DNM3: variants seen among roughly 807,000 people sequenced by gnomAD.
DNM3 encodes the protein dynamin-3.
Under a neutral mutation model 101.6 loss-of-function variants are expected in DNM3, and 47 were observed. The ratio of observed to expected loss-of-function variants is 0.46; its 90% CI spans 0.37 to 0.59. The LOEUF is 0.59. DNM3 is among the 20% of genes least tolerant of loss of function. DNM3 has a pLI of 0.00. For missense variants in DNM3, 849 were observed against 1,085.7 expected (o/e 0.78, Z 3.06); for synonymous variants, 385 against 387.9 (o/e 0.99, Z 0.09).
chr1:171,864,865 A>T (rs2034554119), intron 1 of DNM3, among the ~76,000 whole-genome samples: 1 of 152,178 alleles, frequency 6.6e-6, no homozygotes, highest in African/African-American at 2.4e-5. Context: ...TAAATAAAAA[A>T]AAAAACTAAT....
At chr1:172,081,959 A>G (rs2053181336) in intron 12 of DNM3, 57 bp downstream of exon 12, 3 of 1,542,778 alleles carry the variant, frequency 1.9e-6, no homozygotes, top group Non-Finnish European at 2.7e-6. Context: ...TCTCAAACAC[A>G]CATTGTGAAT....
intron 12 of DNM3, among the ~76,000 whole-genome samples, chr1:172,088,911 T>C (rs1292481573): frequency 6.6e-6 from 1 of 152,250 alleles, no homozygotes; most frequent in African/African-American, 2.4e-5. Flanking sequence ...TGTCTTCTAA[T>C]GTACTCTTAT....
At chr1:172,403,400 C>T (rs2070650363) in intron 20 of DNM3, among the ~76,000 whole-genome samples, 1 of 152,120 alleles carries the variant, frequency 6.6e-6, no homozygotes, top group South Asian at 2.1e-4. Context: ...TCTCCCTTAA[C>T]TCCTGTTAAA....
At chr1:172,298,690 T>A (rs192542224) in intron 15 of DNM3, among the ~76,000 whole-genome samples, 311 of 152,264 alleles carry the variant, frequency 2.0e-3, no homozygotes, top group Non-Finnish European at 3.8e-3. Flanking sequence ...TAAGCCATCA[T>A]CTTCCCGGAA....
chr1:172,247,568 C>G (rs1184284706), intron 14 of DNM3, among the ~76,000 whole-genome samples: 1 of 151,860 alleles, frequency 6.6e-6, no homozygotes, highest in African/African-American at 2.4e-5. Context: ...TAATTTGGTG[C>G]CATTAGTGCA....
intron 1 of DNM3, among the ~76,000 whole-genome samples, chr1:171,850,833 C>T (rs961662943): frequency 6.7e-6 from 1 of 149,490 alleles, no homozygotes; most frequent in Non-Finnish European, 1.5e-5. Context: ...GAGTTCCTTG[C>T]TTGCAGAGTA....
At chr1:172,071,593 A>G (rs1301717292) in intron 11 of DNM3, among the ~76,000 whole-genome samples, 1 of 151,118 alleles carries the variant, frequency 6.6e-6, no homozygotes, top group Non-Finnish European at 1.5e-5. Context: ...TTTAAAAAGT[A>G]GAGTTACTAC....
intron 4 of DNM3, among the ~76,000 whole-genome samples, chr1:172,005,330 G>A (rs1226812530): frequency 1.3e-5 from 2 of 152,060 alleles, no homozygotes; most frequent in Non-Finnish European, 2.9e-5. Context: ...TAAAAAGCGA[G>A]TTTGTGGCTC....
At chr1:172,304,930 G>C (rs1408321561) in intron 15 of DNM3, among the ~76,000 whole-genome samples, 1 of 152,090 alleles carries the variant, frequency 6.6e-6, no homozygotes, top group African/African-American at 2.4e-5. Context: ...AGAGAAAGCA[G>C]GAAAGATCCA....
At position 171,896,557 on chromosome 1, in the gene DNM3, A is replaced by T. The variant is rs144017538; in HGVS notation, c.162-25191A>T. On this transcript the variant is annotated intron_variant, in intron 1 of 20. Coordinates refer to ENST00000627582, the MANE Select transcript of DNM3 (RefSeq NM_015569.5). Reference sequence around the variant, plus strand: ...CTTAAGGAGATTTTGGGCTGACACGATGGGGTTTTCTAAATATACAATCAT... The same window carrying T: ...CTTAAGGAGATTTTGGGCTGACACGTTGGGGTTTTCTAAATATACAATCAT... Among the ~76,000 whole-genome samples, 979 of 152,274 alleles carry T rather than the reference A, an allele frequency of 6.4e-3. 9 individuals are homozygous for T. Among genetic ancestry groups the T allele is most frequent in the African/African-American group, 0.022 (920 of 41,554 alleles).
At chr1:172,174,590 T>C (rs1325260716) in intron 14 of DNM3, among the ~76,000 whole-genome samples, 2 of 151,742 alleles carry the variant, frequency 1.3e-5, no homozygotes, top group African/African-American at 4.8e-5. Context: ...TTAGAGTTGG[T>C]GTTGTGCTTG....
At chr1:172,083,773 G>A (rs2053327178) in intron 12 of DNM3, among the ~76,000 whole-genome samples, 1 of 152,040 alleles carries the variant, frequency 6.6e-6, no homozygotes, top group Admixed American at 6.6e-5. Context: ...CTTAGAAGCT[G>A]TTGGACTATG....
At chr1:172,215,771 G>T (rs1004323128) in intron 14 of DNM3, among the ~76,000 whole-genome samples, 1 of 151,866 alleles carries the variant, frequency 6.6e-6, no homozygotes, top group East Asian at 1.9e-4. Flanking sequence ...TGCTTACAAG[G>T]CAGAGCCAGG....
intron 15 of DNM3, among the ~76,000 whole-genome samples, chr1:172,284,698 G>A (rs1309768655): frequency 6.6e-6 from 1 of 152,150 alleles, no homozygotes; most frequent in Non-Finnish European, 1.5e-5. Context: ...TGGCATGGAA[G>A]TCTCCCTTAA....
chr1:172,298,894 A>G (rs1040481387), intron 15 of DNM3, among the ~76,000 whole-genome samples: 9 of 147,584 alleles, frequency 6.1e-5, no homozygotes, highest in African/African-American at 2.3e-4. Flanking sequence ...AGAAAGAAAG[A>G]AAGGAAAAGA....
At chr1:171,961,059 T>G (rs2043180852) in intron 2 of DNM3, among the ~76,000 whole-genome samples, 1 of 152,120 alleles carries the variant, frequency 6.6e-6, no homozygotes, top group African/African-American at 2.4e-5. Context: ...TGGAAACCAT[T>G]GATTTGTATT....
At chr1:172,186,407 T>G (rs899397832) in intron 14 of DNM3, among the ~76,000 whole-genome samples, 1 of 151,764 alleles carries the variant, frequency 6.6e-6, no homozygotes, top group Non-Finnish European at 1.5e-5. Flanking sequence ...TTTGTAATGA[T>G]GAAATGCAGT....
At chr1:172,203,041 G>A (rs1252137886) in intron 14 of DNM3, among the ~76,000 whole-genome samples, 1 of 152,026 alleles carries the variant, frequency 6.6e-6, no homozygotes, top group African/African-American at 2.4e-5. Flanking sequence ...CATATAACTG[G>A]GGCTCTACTG....
At chr1:171,928,839 C>G (rs2040784241) in intron 2 of DNM3, among the ~76,000 whole-genome samples, 1 of 152,144 alleles carries the variant, frequency 6.6e-6, no homozygotes, top group South Asian at 2.1e-4. Flanking sequence ...GCTGCTTTTT[C>G]ATAGAGCTCT....
Sources: allele counts gnomAD v4.1 joint callset (sites outside exome capture counted in the v4.1 genomes callset), GRCh38; gene constraint gnomAD v4.1.1; transcripts MANE v1.5; gene names NCBI Gene and HGNC (gene_info 2026-07-23, HGNC 2026-07-21).